SLC25A21: variants seen among roughly 807,000 people sequenced by gnomAD.
SLC25A21 encodes the protein solute carrier family 25 member 21.
SLC25A21 carries 47 observed loss-of-function variants against 43.8 expected under a neutral mutation model. The ratio of observed to expected loss-of-function variants is 1.07; its 90% CI spans 0.85 to 1.37. The LOEUF is 1.37. Ranked by LOEUF, SLC25A21 falls within the 40% of genes most tolerant of loss-of-function variation. SLC25A21 has a pLI of 0.00. For synonymous variants in SLC25A21, 131 were observed against 121.3 expected (o/e 1.08, Z -0.52); for missense variants, 352 against 350.2 (o/e 1.00, Z -0.04).
chr14:36,720,141 G>A (rs1884317847), intron 6 of SLC25A21, among the ~76,000 whole-genome samples: 1 of 152,164 alleles, frequency 6.6e-6, no homozygotes, highest in African/African-American at 2.4e-5. Context: ...CATGCTCTCT[G>A]CACCTGGAAC....
At chr14:37,148,678 G>GCT (rs1289387219) in intron 1 of SLC25A21, among the ~76,000 whole-genome samples, 1 of 152,158 alleles carries the variant, frequency 6.6e-6, no homozygotes, top group African/African-American at 2.4e-5. Context: ...TTATTGAGCA[G>GCT]CTACTATATT....
intron 3 of SLC25A21, among the ~76,000 whole-genome samples, chr14:36,777,051 A>G (rs1167686068): frequency 6.6e-6 from 1 of 152,206 alleles, no homozygotes; most frequent in Admixed American, 6.5e-5. Context: ...CGAGGTCAGG[A>G]GATTGAGACC....
chr14:37,072,040 G>C (rs936334639), intron 1 of SLC25A21, among the ~76,000 whole-genome samples: 1 of 151,816 alleles, frequency 6.6e-6, no homozygotes, highest in Non-Finnish European at 1.5e-5. Flanking sequence ...AAATTAGCTG[G>C]GCATGGTGGC....
chr14:36,696,903 A>T (rs1033852275), intron 7 of SLC25A21, among the ~76,000 whole-genome samples: 6 of 151,838 alleles, frequency 4.0e-5, no homozygotes, highest in African/African-American at 1.2e-4. Context: ...TTGTATCTCT[A>T]TCTCCTTCAG....
chr14:37,101,492 AT>A (rs1361774433), intron 1 of SLC25A21, among the ~76,000 whole-genome samples: 1 of 152,138 alleles, frequency 6.6e-6, no homozygotes, highest in Non-Finnish European at 1.5e-5. Flanking sequence ...AAACTCAGAT[AT>A]TTTTTATAGT....
At chr14:36,764,184 G>GAA (rs1886305278) in intron 3 of SLC25A21, among the ~76,000 whole-genome samples, 1 of 82,778 alleles carries the variant, frequency 1.2e-5, no homozygotes, top group African/African-American at 5.7e-5. Flanking sequence ...AAGAAAGAAA[G>GAA]AAAGAAAGAG....
At chr14:36,739,708 C>T (rs1885177997) in intron 3 of SLC25A21, among the ~76,000 whole-genome samples, 1 of 151,738 alleles carries the variant, frequency 6.6e-6, no homozygotes, top group Non-Finnish European at 1.5e-5. Context: ...AAGAGGCACA[C>T]CAGGATAATT....
intron 1 of SLC25A21, among the ~76,000 whole-genome samples, chr14:37,017,562 A>G (rs2138748573): frequency 6.6e-6 from 1 of 152,184 alleles, no homozygotes; most frequent in South Asian, 2.1e-4. Flanking sequence ...CCAAGTGAGC[A>G]CACGCTGCTG....
At chr14:36,989,810 T>C (rs2022730) in intron 1 of SLC25A21, among the ~76,000 whole-genome samples, 44,579 of 151,740 alleles carry the variant, frequency 0.29, 7,623 homozygotes, top group African/African-American at 0.47. Context: ...TTTTCTTGGA[T>C]TGGATTTATG....
intron 1 of SLC25A21, among the ~76,000 whole-genome samples, chr14:37,062,485 A>G (rs1277974526): frequency 1.3e-5 from 2 of 152,280 alleles, no homozygotes; most frequent in Middle Eastern, 3.4e-3. Context: ...AGAACTCTCT[A>G]TTTAATCCAA....
chr14:37,035,147 G>A (rs61989488), intron 1 of SLC25A21, among the ~76,000 whole-genome samples: 58 of 152,298 alleles, frequency 3.8e-4, no homozygotes, highest in South Asian at 6.2e-4. Context: ...GGCAGTCAGG[G>A]CACTTGCTAA....
intron 1 of SLC25A21, among the ~76,000 whole-genome samples, chr14:36,954,841 A>G (rs764458440): frequency 2.6e-5 from 4 of 151,606 alleles, no homozygotes; most frequent in Non-Finnish European, 5.9e-5. Context: ...CTCTACTTCC[A>G]CCTATTTAAG....
At chr14:37,010,805 T>G (rs1381948073) in intron 1 of SLC25A21, among the ~76,000 whole-genome samples, 1 of 152,122 alleles carries the variant, frequency 6.6e-6, no homozygotes, top group Non-Finnish European at 1.5e-5. Flanking sequence ...AGTGCAGTGG[T>G]GTAATGAGAG....
chr14:37,056,022 C>T (rs866745148), intron 1 of SLC25A21, among the ~76,000 whole-genome samples: 6 of 152,038 alleles, frequency 3.9e-5, no homozygotes, highest in East Asian at 1.9e-4. Context: ...AGAGTTCTCA[C>T]GAGATCTTGT....
At chr14:37,074,131 A>G (rs1962229610) in intron 1 of SLC25A21, among the ~76,000 whole-genome samples, 1 of 152,144 alleles carries the variant, frequency 6.6e-6, no homozygotes, top group Admixed American at 6.5e-5. Flanking sequence ...TATTCCATAC[A>G]TACAACTTAA....
At chr14:36,948,837 TTAAA>T (rs1469090856) in intron 1 of SLC25A21, among the ~76,000 whole-genome samples, 1 of 152,118 alleles carries the variant, frequency 6.6e-6, no homozygotes, top group African/African-American at 2.4e-5. Flanking sequence ...TTAAATTATG[TTAAA>T]TAAAATGTAT....
At chr14:36,684,651 G>A in intron 8 of SLC25A21, 93 bp downstream of exon 8, 1 of 1,176,566 alleles carries the variant, frequency 8.5e-7, no homozygotes, top group Non-Finnish European at 1.2e-6. Context: ...CACTTAGGAG[G>A]GCTTACTGGT....
intron 3 of SLC25A21, among the ~76,000 whole-genome samples, chr14:36,812,721 GA>G (rs1300979403): frequency 6.6e-6 from 1 of 152,078 alleles, no homozygotes; most frequent in Non-Finnish European, 1.5e-5. Context: ...ATGATTAGCA[GA>G]ATAGTATTTA....
Position 36,866,178 on chromosome 14 carries a change from G to A in SLC25A21, c.119+8778C>T, listed in dbSNP as rs115512994. ...TTTTGTTTTAGAGATGGGGTGTTGCGATGTTGCCTAGGCTGCTCTCAAACT... is the reference window on the plus strand; with the variant it reads ...TTTTGTTTTAGAGATGGGGTGTTGCAATGTTGCCTAGGCTGCTCTCAAACT... On this transcript the variant is annotated intron_variant, in intron 2 of 9. Transcript: ENST00000331299. Among the ~76,000 whole-genome samples the A allele has an allele frequency of 4.4e-3, 670 of 152,148 alleles. 3 individuals are homozygous for A. The highest frequency in any genetic ancestry group is 0.015 in the African/African-American group (630 of 41,506).
Sources: allele counts gnomAD v4.1 joint callset (sites outside exome capture counted in the v4.1 genomes callset), GRCh38; gene constraint gnomAD v4.1.1; transcripts MANE v1.5; gene names NCBI Gene and HGNC (gene_info 2026-07-23, HGNC 2026-07-21).